The following GPC6 variants were observed in gnomAD, a reference collection of about 807,000 sequenced individuals.
The protein encoded by GPC6 is glypican-6.
A neutral mutation model predicts 55.2 loss-of-function variants in GPC6; 14 were observed. The ratio of observed to expected loss-of-function variants is 0.25; its 90% confidence interval spans 0.17 to 0.40. The LOEUF (loss-of-function observed/expected upper bound fraction) is 0.40, where lower values mean the gene tolerates loss of function less well. Among genes scored for constraint, GPC6 ranks in the 10% least tolerant of loss-of-function variants. The pLI, the probability that GPC6 is intolerant of heterozygous loss-of-function variation, is 1.00. For missense variants in GPC6, 641 were observed against 708.5 expected, an observed-to-expected ratio of 0.90 and a Z score of 1.08; for synonymous variants, 278 against 259.6, an observed-to-expected ratio of 1.07 and a Z score of -0.68.
intron 4 of GPC6, among the ~76,000 whole-genome samples, chr13:94,172,636 A>G (rs1378287145): frequency 6.6e-6 from 1 of 152,206 alleles, no homozygotes; most frequent in Non-Finnish European, 1.5e-5. Context: ...GTGTCCCACA[A>G]AACAGAAAAT....
At chr13:94,092,797 T>G (rs1339639130) in intron 4 of GPC6, among the ~76,000 whole-genome samples, 3 of 152,180 alleles carry the variant, frequency 2.0e-5, no homozygotes, top group African/African-American at 7.2e-5. Flanking sequence ...CCTCATCTTT[T>G]GTCTTTCTGA....
chr13:94,090,716 A>G (rs966555934), intron 4 of GPC6, among the ~76,000 whole-genome samples: 1 of 152,160 alleles, frequency 6.6e-6, no homozygotes, highest in African/African-American at 2.4e-5. Context: ...GGATATTATT[A>G]TGATGATCTC....
At position 93,553,311 on chromosome 13, in the gene GPC6, TAAG is replaced by T. The variant is rs200172988; in HGVS notation, c.319+7893_319+7895del. Among the ~76,000 whole-genome samples, 1,119 of 152,272 alleles carry T rather than the reference TAAG, an allele frequency of 7.3e-3. 54 individuals carry two copies. Among genetic ancestry groups the T allele is most frequent in the Admixed American group, 0.061 (938 of 15,296 alleles). On this transcript the variant is annotated intron_variant, in intron 2 of 8. Transcript: ENST00000377047. Reference sequence around the variant, plus strand: ...CAGCACTTGTATGCTTTTTGTATTCTAAGAATATGAGAAAAATGATTTCAGTGA... The same window carrying T: ...CAGCACTTGTATGCTTTTTGTATTCTAATATGAGAAAAATGATTTCAGTGA...
intron 4 of GPC6, among the ~76,000 whole-genome samples, chr13:94,114,991 A>T (rs1046391662): frequency 6.6e-6 from 1 of 152,176 alleles, no homozygotes. Flanking sequence ...ATTCTCAACC[A>T]TTAAACTCTA....
chr13:94,235,557 C>G (rs1890853990), intron 4 of GPC6, among the ~76,000 whole-genome samples: 1 of 152,070 alleles, frequency 6.6e-6, no homozygotes, highest in Admixed American at 6.6e-5. Context: ...GCAAGAAACT[C>G]TGATTAGCAA....
At chr13:93,301,690 T>C (rs762581923) in intron 1 of GPC6, among the ~76,000 whole-genome samples, 1 of 152,202 alleles carries the variant, frequency 6.6e-6, no homozygotes, top group African/African-American at 2.4e-5. Context: ...AGGCATGTGC[T>C]TCTTTATAGC....
At chr13:93,648,669 A>T (rs903471376) in intron 2 of GPC6, among the ~76,000 whole-genome samples, 1 of 152,190 alleles carries the variant, frequency 6.6e-6, no homozygotes, top group Admixed American at 6.6e-5. Context: ...CTGAACATGG[A>T]ATTTTATATC....
intron 4 of GPC6, among the ~76,000 whole-genome samples, chr13:94,197,370 G>A (rs1225020297): frequency 3.3e-5 from 5 of 152,202 alleles, no homozygotes. Flanking sequence ...TGCTAGGGCT[G>A]CTATAACAAA....
At chr13:93,908,226 C>CTAATA (rs1876776072) in intron 3 of GPC6, among the ~76,000 whole-genome samples, 1 of 152,038 alleles carries the variant, frequency 6.6e-6, no homozygotes, top group Non-Finnish European at 1.5e-5. Flanking sequence ...AACAGTTCAA[C>CTAATA]CAATAACTCA....
chr13:93,890,658 C>T (rs531920517), intron 3 of GPC6, among the ~76,000 whole-genome samples: 7 of 150,334 alleles, frequency 4.7e-5, no homozygotes, highest in East Asian at 2.0e-4. Context: ...TACCAGACTG[C>T]TTGAATAGCA....
chr13:93,674,213 C>A (rs147592710), intron 2 of GPC6, among the ~76,000 whole-genome samples: 22 of 152,208 alleles, frequency 1.4e-4, no homozygotes, highest in Non-Finnish European at 3.1e-4. Context: ...TTACTAAACA[C>A]TATTGGAGGG....
At chr13:93,298,683 A>G (rs1456305999) in intron 1 of GPC6, among the ~76,000 whole-genome samples, 1 of 151,834 alleles carries the variant, frequency 6.6e-6, no homozygotes, top group Non-Finnish European at 1.5e-5. Flanking sequence ...CCTAGGCTCA[A>G]GCAATTGGCC....
intron 2 of GPC6, among the ~76,000 whole-genome samples, chr13:93,759,438 C>T (rs909351759): frequency 6.6e-6 from 1 of 152,190 alleles, no homozygotes; most frequent in East Asian, 1.9e-4. Flanking sequence ...CTGTTACTCT[C>T]AGTCGATATG....
chr13:94,128,837 A>G (rs1886912992), intron 4 of GPC6, among the ~76,000 whole-genome samples: 1 of 152,168 alleles, frequency 6.6e-6, no homozygotes, highest in Non-Finnish European at 1.5e-5. Context: ...AGAATCACAA[A>G]TGTGTCAAAC....
At chr13:93,422,824 GTCT>G (rs1876970824) in intron 1 of GPC6, among the ~76,000 whole-genome samples, 1 of 152,142 alleles carries the variant, frequency 6.6e-6, no homozygotes, top group African/African-American at 2.4e-5. Context: ...TGTAAAAAAG[GTCT>G]TCTTTGTCTG....
intron 2 of GPC6, among the ~76,000 whole-genome samples, chr13:93,671,602 G>GT (rs966835726): frequency 7.2e-6 from 1 of 139,468 alleles, no homozygotes; most frequent in African/African-American, 2.5e-5. Flanking sequence ...GTTTTTAAGG[G>GT]TTTTTTAGGG....
intron 3 of GPC6, among the ~76,000 whole-genome samples, chr13:94,017,538 T>C (rs1256657364): frequency 6.6e-6 from 1 of 152,180 alleles, no homozygotes; most frequent in African/African-American, 2.4e-5. Context: ...ATCCCCATGA[T>C]TCAAAATTAT....
chr13:93,599,338 C>T (rs371216723), intron 2 of GPC6, among the ~76,000 whole-genome samples: 2 of 149,734 alleles, frequency 1.3e-5, no homozygotes, highest in Admixed American at 6.7e-5. Context: ...CCAAAAGTAA[C>T]GTTGCTGAGA....
At chr13:94,307,858 C>T (rs754667794) in intron 6 of GPC6, among the ~76,000 whole-genome samples, 19 of 152,134 alleles carry the variant, frequency 1.2e-4, no homozygotes, top group Admixed American at 2.0e-4. Flanking sequence ...CTGGCTCTAA[C>T]TTAGTTATTG....
Sources: allele counts gnomAD v4.1 joint callset (sites outside exome capture counted in the v4.1 genomes callset), GRCh38; gene constraint gnomAD v4.1.1; transcripts MANE v1.5; gene names NCBI Gene and HGNC (gene_info 2026-07-23, HGNC 2026-07-21).